Variants in BMPR1A observed in about 807,000 individuals in gnomAD.
BMPR1A encodes bone morphogenetic protein receptor type 1A.
A neutral mutation model predicts 66.0 loss-of-function variants in BMPR1A; 7 were observed. That is an observed-to-expected ratio of 0.11 (90% CI 0.06 to 0.20). BMPR1A has a LOEUF of 0.20. Among genes scored for constraint, BMPR1A ranks in the 10% least tolerant of loss-of-function variants. The pLI, the probability that BMPR1A is intolerant of heterozygous loss-of-function variation, is 1.00. For synonymous variants in BMPR1A, 200 were observed against 229.7 expected (o/e 0.87, Z 1.17); for missense variants, 408 against 669.1 (o/e 0.61, Z 4.31).
intron 2 of BMPR1A, chr10:86,856,003 C>G: frequency 3.2e-6 from 2 of 621,976 alleles, no homozygotes; most frequent in Non-Finnish European, 6.1e-6. Context: ...AGTTGAAAAT[C>G]TGGATGCCTC....
At chr10:86,911,154 C>CAAAA (rs35449069) in intron 7 of BMPR1A, among the ~76,000 whole-genome samples, 11 of 82,842 alleles carry the variant, frequency 1.3e-4, no homozygotes, top group African/African-American at 4.0e-4. Context: ...GACCCTGTCT[C>CAAAA]AAAAAAAAAA....
At chr10:86,913,293 T>G (rs899537315) in intron 8 of BMPR1A, among the ~76,000 whole-genome samples, 1 of 148,624 alleles carries the variant, frequency 6.7e-6, no homozygotes, top group Non-Finnish European at 1.5e-5. Flanking sequence ...AGGCTAATTT[T>G]TTTTTTTTTT....
At chr10:86,860,644 C>G (rs113779363) in intron 2 of BMPR1A, among the ~76,000 whole-genome samples, 3,510 of 151,706 alleles carry the variant, frequency 0.023, 141 homozygotes, top group African/African-American at 0.081. Flanking sequence ...GTGGCATGTG[C>G]CTGTAGTCCC....
At chr10:86,907,629 C>G (rs1159360426) in intron 7 of BMPR1A, among the ~76,000 whole-genome samples, 1 of 152,174 alleles carries the variant, frequency 6.6e-6, no homozygotes, top group Non-Finnish European at 1.5e-5. Context: ...TGGAATATTA[C>G]TCAACCAGAA....
intron 2 of BMPR1A, among the ~76,000 whole-genome samples, chr10:86,857,645 T>C (rs888532016): frequency 6.6e-6 from 1 of 151,392 alleles, no homozygotes; most frequent in Non-Finnish European, 1.5e-5. Flanking sequence ...TGTGGCATAC[T>C]CACATGGTGG....
intron 8 of BMPR1A, among the ~76,000 whole-genome samples, chr10:86,914,073 T>G (rs1003968983): frequency 6.6e-6 from 1 of 151,730 alleles, no homozygotes; most frequent in South Asian, 2.1e-4. Context: ...TGGAACAGAT[T>G]ATGGAGTTTA....
At chr10:86,897,652 G>T (rs1445270374) in intron 5 of BMPR1A, among the ~76,000 whole-genome samples, 2 of 152,094 alleles carry the variant, frequency 1.3e-5, no homozygotes. Flanking sequence ...CATCACCCAG[G>T]CTGGAGTGCA....
intron 2 of BMPR1A, among the ~76,000 whole-genome samples, chr10:86,851,050 G>A (rs1842560834): frequency 6.6e-6 from 1 of 152,102 alleles, no homozygotes; most frequent in African/African-American, 2.4e-5. Context: ...AAATATTTTG[G>A]AAAGAAGAGG....
intron 3 of BMPR1A, among the ~76,000 whole-genome samples, chr10:86,887,058 C>G (rs1843076464): frequency 6.6e-6 from 1 of 152,066 alleles, no homozygotes; most frequent in Non-Finnish European, 1.5e-5. Flanking sequence ...GTCTTGAACT[C>G]CTGACCTCAG....
chr10:86,876,973 G>A (rs1482707412), intron 3 of BMPR1A, among the ~76,000 whole-genome samples: 1 of 152,138 alleles, frequency 6.6e-6, no homozygotes, highest in African/African-American at 2.4e-5. Flanking sequence ...GGACCAGATG[G>A]CCTGTATTTG....
At chr10:86,856,018 C>T (rs1206732445) in intron 2 of BMPR1A, 15 of 619,008 alleles carry the variant, frequency 2.4e-5, no homozygotes, top group East Asian at 1.3e-4. Flanking sequence ...TGCCTCTCAC[C>T]GTACTGGAGT....
intron 1 of BMPR1A, among the ~76,000 whole-genome samples, chr10:86,804,654 T>C (rs956668220): frequency 9.9e-5 from 15 of 152,166 alleles, no homozygotes. Context: ...GGTTGGTGTT[T>C]GATGATTTCC....
chr10:86,885,078 A>G (rs551786174), intron 3 of BMPR1A, among the ~76,000 whole-genome samples: 7 of 152,298 alleles, frequency 4.6e-5, no homozygotes, highest in Admixed American at 1.3e-4. Flanking sequence ...TTTTCCTCCT[A>G]GACCAACGTA....
chr10:86,807,121 C>T (rs1316804241), intron 1 of BMPR1A, among the ~76,000 whole-genome samples: 1 of 152,048 alleles, frequency 6.6e-6, no homozygotes, highest in African/African-American at 2.4e-5. Context: ...TAGGTGTTCT[C>T]ATTGATACTG....
chr10:86,755,961 G>A (rs375482728), upstream of BMPR1A: 3 of 152,398 alleles, frequency 2.0e-5, no homozygotes, highest in South Asian at 6.2e-4. Flanking sequence ...GACGCCGGGA[G>A]CGGTGGGTGG....
In BMPR1A at chr10:86,927,663, T is replaced by G. The variant is rs1414715081; in HGVS notation, c.*3944T>G. On this transcript the variant is annotated 3_prime_UTR_variant, in exon 13 of 13. Coordinates refer to ENST00000372037, the MANE Select transcript of BMPR1A (RefSeq NM_004329.3). Reference sequence around the variant, plus strand: ...TATGGAATTATTTAAGCCCTTTTAGTGACCTTTGTCCTGGCCCATTTAAAA... The same window carrying G: ...TATGGAATTATTTAAGCCCTTTTAGGGACCTTTGTCCTGGCCCATTTAAAA... 4 of 198,534 alleles carry G rather than the reference T, an allele frequency of 2.0e-5. No homozygotes were observed. Among genetic ancestry groups the G allele is most frequent in the African/African-American group, 6.9e-5 (3 of 43,378 alleles). 12.3% of individuals were successfully genotyped at this position (198,534 alleles called of 1,614,324 possible). A position where few individuals can be genotyped will look rare whatever the true frequency, so the allele number is the denominator to read the frequency against.
rs1554878873 is a variant in BMPR1A at position 86,790,222 on chromosome 10, T to TAAAA, written c.-268+33304_-268+33305insAAAA. On this transcript the variant is annotated intron_variant, in intron 1 of 12. Transcript: ENST00000372037. ...ATATATATATATATATATATATATA[T>TAAAA]ATATATATATATATCAAAACCACAA... 5.9e-4 allele frequency among the ~76,000 whole-genome samples: 34 copies of TAAAA among 57,164 alleles called. 1 individual carries two copies. The highest frequency in any genetic ancestry group is 2.1e-3 in the African/African-American group (34 of 16,296). The allele number at this position is 57,164 out of a possible 152,430, so 37.5% of individuals were successfully genotyped here.
At chr10:86,809,384 T>C (rs993258674) in intron 1 of BMPR1A, among the ~76,000 whole-genome samples, 1 of 150,858 alleles carries the variant, frequency 6.6e-6, no homozygotes, top group African/African-American at 2.4e-5. Context: ...CCACTTCCCA[T>C]GCTCAAGCGA....
intron 1 of BMPR1A, among the ~76,000 whole-genome samples, chr10:86,764,396 A>G (rs752973990): frequency 2.6e-5 from 4 of 152,232 alleles, no homozygotes; most frequent in Admixed American, 6.5e-5. Flanking sequence ...TACCAAATCA[A>G]TGAAATATAA....
Sources: allele counts gnomAD v4.1 joint callset (sites outside exome capture counted in the v4.1 genomes callset), GRCh38; gene constraint gnomAD v4.1.1; transcripts MANE v1.5; gene names NCBI Gene and HGNC (gene_info 2026-07-23, HGNC 2026-07-21).